Variants in SETD2 observed in about 807,000 individuals in gnomAD.
SETD2 encodes histone-lysine N-methyltransferase SETD2.
Under a neutral mutation model 242.1 loss-of-function variants are expected in SETD2, and 31 were observed. The ratio of observed to expected loss-of-function variants is 0.13; its 90% CI spans 0.10 to 0.17. The LOEUF (loss-of-function observed/expected upper bound fraction) is 0.17. Ranked by LOEUF, SETD2 falls within the 10% of genes least tolerant of loss-of-function variation. The pLI, the probability that SETD2 is intolerant of heterozygous loss-of-function variation, is 1.00. For synonymous variants in SETD2, 1,006 were observed against 1,066.5 expected, an observed-to-expected ratio of 0.94 and a Z score of 1.11; for missense variants, 2,481 against 3,046.3, an observed-to-expected ratio of 0.81 and a Z score of 4.37.
chr3:47,069,575 C>T (rs2040726062), intron 12 of SETD2, among the ~76,000 whole-genome samples: 3 of 152,172 alleles, frequency 2.0e-5, no homozygotes, highest in African/African-American at 7.2e-5. Flanking sequence ...TTCTTATCCT[C>T]ACCCACCCCT....
At position 47,133,513 on chromosome 3, in the gene SETD2, A is replaced by C. The variant is rs1009678139; in HGVS notation, c.72-6850T>G. ...TTTGGGAGGTTGTGGCAGGCAGATC[A>C]CATGAGTCCAGGAGTTGGAGACCAG... On this transcript the variant is annotated intron_variant, in intron 1 of 20. Coordinates refer to ENST00000409792, the MANE Select transcript of SETD2 (RefSeq NM_014159.7). 3.4e-4 allele frequency among the ~76,000 whole-genome samples: 52 copies of C among 152,204 alleles called. 1 individual carries two copies. The highest frequency in any genetic ancestry group is 1.2e-3 in the African/African-American group (51 of 41,448).
At chr3:47,071,705 A>G (rs1381347933) in intron 12 of SETD2, among the ~76,000 whole-genome samples, 2 of 152,074 alleles carry the variant, frequency 1.3e-5, no homozygotes, top group African/African-American at 4.8e-5. Context: ...TAAAAGTAAA[A>G]GGTAGAAAGT....
chr3:47,022,599 A>G (rs1333815780), intron 18 of SETD2, among the ~76,000 whole-genome samples: 1 of 152,246 alleles, frequency 6.6e-6, no homozygotes, highest in African/African-American at 2.4e-5. Flanking sequence ...TCAGCAATAA[A>G]CAATAATCAG....
intron 16 of SETD2, among the ~76,000 whole-genome samples, chr3:47,043,891 A>G (rs1305147560): frequency 1.3e-5 from 2 of 152,188 alleles, no homozygotes; most frequent in Non-Finnish European, 2.9e-5. Flanking sequence ...TTAAGGCAAA[A>G]AAGAAAAAAT....
At position 47,042,581 on chromosome 3, in the gene SETD2, A is replaced by G. The variant is rs761667563; in HGVS notation, c.7218T>C (p.Tyr2406=). Residue 2406 remains tyrosine (Y), a synonymous_variant, in exon 17 of 21, where the codon TAT becomes TAC. Transcript: ENST00000409792. ...CTTACCTTGTGATCACATGGTAGTAATAAATCTTCCCTTCTGGATCTCGAG... is the reference window on the plus strand; with the variant it reads ...CTTACCTTGTGATCACATGGTAGTAGTAAATCTTCCCTTCTGGATCTCGAG... ...KTARDPEGKI[Y]YYHVITRQTQ... is the part of the protein sequence containing the mutation. 2 of 1,614,014 alleles carry G rather than the reference A, an allele frequency of 1.2e-6. No individual in the cohort carries two copies. Among genetic ancestry groups the G allele is most frequent in the Non-Finnish European group, 1.7e-6 (2 of 1,180,008 alleles).
At chr3:47,050,723 C>CCT (rs1483439791) in intron 15 of SETD2, among the ~76,000 whole-genome samples, 1 of 66,880 alleles carries the variant, frequency 1.5e-5, no homozygotes, top group Non-Finnish European at 2.6e-5. Context: ...TTTCCTCTCT[C>CCT]TTTTTTTTTT....
intron 4 of SETD2, among the ~76,000 whole-genome samples, 176 bp from the exon 5 acceptor site, chr3:47,114,180 G>C (rs1419391227): frequency 6.6e-6 from 1 of 152,088 alleles, no homozygotes; most frequent in African/African-American, 2.4e-5. Flanking sequence ...GGATTCCTTA[G>C]AACTGAGTAT....
At chr3:47,164,331 G>C (rs975413531), upstream of SETD2, among the ~76,000 whole-genome samples, 1 of 151,928 alleles carries the variant, frequency 6.6e-6, no homozygotes, top group Non-Finnish European at 1.5e-5. This position sits in a 1 kb window ranked among gnomAD's most constrained non-coding sequence, Gnocchi z 5.4. Context: ...ATAAACCCCC[G>C]GCCCCAGTGA....
chr3:47,154,261 T>C (rs2044072148), intron 1 of SETD2, among the ~76,000 whole-genome samples: 1 of 151,772 alleles, frequency 6.6e-6, no homozygotes. Flanking sequence ...ATATAAAAAT[T>C]AGCTGGGCGT....
At position 47,121,824 on chromosome 3, in the gene SETD2, C is replaced by T. The variant is rs1024019408; in HGVS notation, c.2812G>A (p.Asp938Asn). 1.2e-6 allele frequency: 2 copies of T among 1,613,962 alleles called. No homozygotes were observed. Among genetic ancestry groups the T allele is most frequent in the African/African-American group, 1.3e-5 (1 of 74,920 alleles). The change falls in exon 3 of 21, where the codon GAT (aspartate) becomes AAT (asparagine). Residue 938 changes from aspartate (D) to asparagine (N), a missense_variant. Asp to Asn is a conservative substitution (Grantham distance 23). Transcript: ENST00000409792. ...TIVEVGSDLP[D>N]SGKGFASREN... ...CTGGAAGCAAATCCCTTTCCTGAATCAGGAAGGTCACTACCTACTTCTACT... is the reference window on the plus strand; with the variant it reads ...CTGGAAGCAAATCCCTTTCCTGAATTAGGAAGGTCACTACCTACTTCTACT...
intron 1 of SETD2, among the ~76,000 whole-genome samples, chr3:47,150,460 G>C (rs775576665): frequency 3.3e-4 from 50 of 152,078 alleles, no homozygotes; most frequent in Non-Finnish European, 5.4e-4. Context: ...AATTTGGATA[G>C]AAAGTCAACA....
At chr3:47,019,071 G>A (rs1393283271) in intron 19 of SETD2, among the ~76,000 whole-genome samples, 1 of 152,188 alleles carries the variant, frequency 6.6e-6, no homozygotes, top group Non-Finnish European at 1.5e-5. Flanking sequence ...ATGAAGATTG[G>A]AGTTTAGAAC....
At chr3:47,062,399 G>C (rs1040676437) in intron 13 of SETD2, 53 bp from the exon 14 acceptor site, 3 of 1,471,462 alleles carry the variant, frequency 2.0e-6, no homozygotes, top group Non-Finnish European at 2.8e-6. Flanking sequence ...TTTATTTGGT[G>C]GACTTTTCTC....
At chr3:47,028,488 CT>C (rs1347184653) in intron 18 of SETD2, among the ~76,000 whole-genome samples, 1 of 152,082 alleles carries the variant, frequency 6.6e-6, no homozygotes, top group African/African-American at 2.4e-5. Flanking sequence ...AGGAGATACC[CT>C]AGAGAAAAAA....
rs975806896 is a variant in SETD2, at chr3:47,121,170, G to A, written c.3466C>T (p.Arg1156Cys). Reference protein sequence around the residue: ...TQSSRKQIDNRLPELSHPQSD... With the variant: ...TQSSRKQIDNCLPELSHPQSD... ...TGAGGATGAGAAAGTTCAGGCAGGCGATTATCTATTTGTTTTCTACTGGAC... is the reference window on the plus strand; with the variant it reads ...TGAGGATGAGAAAGTTCAGGCAGGCAATTATCTATTTGTTTTCTACTGGAC... Residue 1156 changes from arginine to cysteine, a missense_variant, in exon 3 of 21, where the codon CGC becomes TGC. Arg to Cys is a radical substitution (Grantham distance 180, BLOSUM62 -3). Coordinates refer to ENST00000409792, the MANE Select transcript of SETD2 (RefSeq NM_014159.7). The A allele has an allele frequency of 6.2e-6, 10 of 1,613,856 alleles. No homozygotes were observed. Among genetic ancestry groups the A allele is most frequent in the African/African-American group, 2.7e-5 (2 of 74,890 alleles).
chr3:47,059,217 AG>A (rs764292130), intron 14 of SETD2, among the ~76,000 whole-genome samples: 1 of 148,362 alleles, frequency 6.7e-6, no homozygotes, highest in Non-Finnish European at 1.5e-5. Flanking sequence ...CCCGGGTTCA[AG>A]TGCTTCTCCT....
intron 12 of SETD2, among the ~76,000 whole-genome samples, chr3:47,068,488 ACTAT>A (rs200821181): frequency 6.5e-5 from 9 of 138,526 alleles, no homozygotes; most frequent in African/African-American, 2.4e-4. Context: ...TTTCAAATAC[ACTAT>A]CTTTTTTTTT....
At chr3:47,052,976 A>T (rs1262191118) in intron 15 of SETD2, among the ~76,000 whole-genome samples, 1 of 151,362 alleles carries the variant, frequency 6.6e-6, no homozygotes, top group African/African-American at 2.4e-5. Flanking sequence ...CACAACCTCC[A>T]CCTCCTGGGT....
chr3:47,094,218 T>G (rs1050742721), intron 9 of SETD2, among the ~76,000 whole-genome samples: 2 of 152,176 alleles, frequency 1.3e-5, no homozygotes, highest in African/African-American at 4.8e-5. Context: ...TAACATCAGG[T>G]CATAGTAGGG....
Sources: allele counts gnomAD v4.1 joint callset (sites outside exome capture counted in the v4.1 genomes callset), GRCh38; gene constraint gnomAD v4.1.1; non-coding constraint Gnocchi (gnomAD v3.1); transcripts MANE v1.5; gene names NCBI Gene and HGNC (gene_info 2026-07-23, HGNC 2026-07-21).